Variants in DYSF observed in about 807,000 individuals in gnomAD.
DYSF encodes the protein dystrophy-associated fer-1-like 1.
Under a neutral mutation model 274.9 loss-of-function variants are expected in DYSF, and 212 were observed. That is an observed-to-expected ratio of 0.77 (90% CI 0.69 to 0.86). The LOEUF is 0.86. Ranked by LOEUF, DYSF falls within the 40% of genes least tolerant of loss-of-function variation. The pLI, the probability that DYSF is intolerant of heterozygous loss-of-function variation, is 0.00. For synonymous variants in DYSF, 1,091 were observed against 1,078.7 expected (o/e 1.01, Z -0.22); for missense variants, 2,666 against 2,783.2 (o/e 0.96, Z 0.95).
chr2:71,467,610 C>G (rs1264726751), intron 1 of DYSF, among the ~76,000 whole-genome samples: 2 of 152,154 alleles, frequency 1.3e-5, no homozygotes, highest in Non-Finnish European at 2.9e-5. Context: ...CCCCCTCCCC[C>G]AACCCCTCCA....
chr2:71,685,056 G>C (rs540475272), intron 55 of DYSF, among the ~76,000 whole-genome samples: 1 of 152,230 alleles, frequency 6.6e-6, no homozygotes, highest in Non-Finnish European at 1.5e-5. Flanking sequence ...ACCCTGCACT[G>C]CTAGGCTACT....
At chr2:71,633,650 T>C (rs2094350029) in intron 41 of DYSF, among the ~76,000 whole-genome samples, 2 of 152,170 alleles carry the variant, frequency 1.3e-5, no homozygotes, top group South Asian at 4.1e-4. Flanking sequence ...TATCTCTGGG[T>C]TGACATAGGC....
Position 71,679,041 on chromosome 2 carries a change from T to C in DYSF, c.5885-16T>C, listed in dbSNP as rs1863812. On this transcript the variant is annotated splice_polypyrimidine_tract_variant and intron_variant, in intron 52 of 55. Coordinates refer to ENST00000410020, the MANE Select transcript of DYSF (RefSeq NM_001130987.2). Reference sequence around the variant, plus strand: ...GATCGAGAAACCCTTGGCCAAAAACTACCTCTCTGTTGCAGGCTCCCTGCA... The same window carrying C: ...GATCGAGAAACCCTTGGCCAAAAACCACCTCTCTGTTGCAGGCTCCCTGCA... The C allele has an allele frequency of 0.89, 1,440,160 of 1,613,414 alleles. 644,151 individuals carry two copies. Among genetic ancestry groups the C allele is most frequent in the African/African-American group, 0.97 (72,820 of 74,992 alleles).
intron 14 of DYSF, among the ~76,000 whole-genome samples, 198 bp downstream of exon 14, chr2:71,528,599 G>T (rs2088258063): frequency 6.6e-6 from 1 of 152,182 alleles, no homozygotes; most frequent in South Asian, 2.1e-4. Flanking sequence ...ATGTGGACAG[G>T]TCTGCCTGGG....
chr2:71,522,140 C>A (rs566103827), intron 12 of DYSF, among the ~76,000 whole-genome samples: 2 of 152,150 alleles, frequency 1.3e-5, no homozygotes, highest in Non-Finnish European at 1.5e-5. Flanking sequence ...TGATCTGTAC[C>A]AGGCTCAAGA....
At chr2:71,511,537 G>A (rs1463062415) in intron 4 of DYSF, among the ~76,000 whole-genome samples, 2 of 152,212 alleles carry the variant, frequency 1.3e-5, no homozygotes, top group East Asian at 3.8e-4. Flanking sequence ...CAATTTTATA[G>A]ATGAGGAAAC....
Position 71,515,701 on chromosome 2 carries a change from C to G in DYSF, c.838C>G (p.Gln280Glu), listed in dbSNP as rs2086580656. Residue 280 changes from glutamine to glutamate, a missense_variant, in exon 8 of 56, where the codon CAG becomes GAG. By Grantham distance (29) the Gln-to-Glu change is conservative (BLOSUM62 2). Coordinates refer to ENST00000410020, the MANE Select transcript of DYSF (RefSeq NM_001130987.2). ...KPVVKVTAAG[Q>E]TKRTRIHKGN... ...TGTGGTCAAGGTTACCGCTGCAGGG[C>G]AGACCAAGCGGACGCGGATCCACAA... 6.2e-7 allele frequency: 1 copy of G among 1,614,072 alleles called. No homozygotes were observed. The highest frequency in any genetic ancestry group is 2.2e-5 in the East Asian group (1 of 44,870).
intron 33 of DYSF, among the ~76,000 whole-genome samples, chr2:71,598,964 G>A (rs567919402): frequency 1.2e-4 from 19 of 152,364 alleles, no homozygotes; most frequent in South Asian, 6.2e-4. Context: ...GAACATATCC[G>A]GAAAAGGCGC....
chr2:71,685,109 C>T (rs748580127), intron 55 of DYSF, among the ~76,000 whole-genome samples: 2 of 152,196 alleles, frequency 1.3e-5, no homozygotes, highest in Admixed American at 6.5e-5. Flanking sequence ...GAAGGAGGCC[C>T]TGCTGCCTGG....
At chr2:71,457,309 A>G (rs1270597283) in intron 1 of DYSF, among the ~76,000 whole-genome samples, 1 of 152,188 alleles carries the variant, frequency 6.6e-6, no homozygotes, top group African/African-American at 2.4e-5. Context: ...CATTCTACAG[A>G]TAAGGAAACT....
chr2:71,571,124 C>T (rs1366686964), intron 29 of DYSF, among the ~76,000 whole-genome samples: 1 of 149,612 alleles, frequency 6.7e-6, no homozygotes, highest in Non-Finnish European at 1.5e-5. Context: ...AGATCACACC[C>T]ACAGATCACA....
intron 1 of DYSF, among the ~76,000 whole-genome samples, chr2:71,456,888 AC>A (rs1306931167): frequency 6.6e-6 from 1 of 151,996 alleles, no homozygotes; most frequent in Admixed American, 6.6e-5. Flanking sequence ...GCACCAGGGC[AC>A]TCGGACCTGA....
Position 71,668,794 on chromosome 2 carries a change from T to A in DYSF, c.5498T>A (p.Leu1833Gln), listed in dbSNP as rs148382335. ...QMWVDLFPKALGRPGPPFNIT... is the reference protein window; with the variant it reads ...QMWVDLFPKAQGRPGPPFNIT... ...TGGGTCGACCTATTTCCGAAGGCCC[T>A]GGGGCGGCCTGGACCTCCCTTCAAC... Residue 1833 changes from leucine to glutamine, a missense_variant, in exon 49 of 56, where the codon CTG becomes CAG. Transcript: ENST00000410020. 1 of 1,613,800 alleles carries A rather than the reference T, an allele frequency of 6.2e-7. No individual in the cohort carries two copies. Among genetic ancestry groups the A allele is most frequent in the Non-Finnish European group, 8.5e-7 (1 of 1,179,984 alleles).
Position 71,481,005 on chromosome 2 carries a change from G to A in DYSF, c.147+67G>A, listed in dbSNP as rs1214512775. 17 of 1,511,306 alleles carry A rather than the reference G, an allele frequency of 1.1e-5. No homozygotes were observed. The Admixed American group carries it at 1.3e-4, about 12-fold the overall frequency. 93.6% of individuals were successfully genotyped at this position (1,511,306 alleles called of 1,614,324 possible). ...AGTTGTGTCTGCAGGGACAAGTTAG[G>A]GGGCTTGTGGAGGAGGTGCCTTCTC... On this transcript the variant is annotated intron_variant, in intron 2 of 55. Transcript: ENST00000410020.
intron 13 of DYSF, among the ~76,000 whole-genome samples, chr2:71,527,406 A>C (rs1420564665): frequency 6.6e-6 from 1 of 152,236 alleles, no homozygotes; most frequent in Non-Finnish European, 1.5e-5. Flanking sequence ...CAAATCCTGA[A>C]GAAAGCCTGT....
intron 3 of DYSF, among the ~76,000 whole-genome samples, chr2:71,501,230 C>T (rs1280900702): frequency 5.3e-5 from 8 of 152,142 alleles, no homozygotes; most frequent in African/African-American, 7.2e-5. Flanking sequence ...TATCTCTCCC[C>T]CTCTATCCCC....
chr2:71,513,213 C>T (rs1056645026), intron 5 of DYSF, 27 bp from the exon 6 acceptor site: 27 of 1,550,892 alleles, frequency 1.7e-5, no homozygotes, highest in South Asian at 2.4e-5. Flanking sequence ...CCTCCCCTCC[C>T]GGGGTTATGC....
intron 24 of DYSF, among the ~76,000 whole-genome samples, chr2:71,565,139 G>T (rs902015704): frequency 6.6e-6 from 1 of 151,684 alleles, no homozygotes; most frequent in Non-Finnish European, 1.5e-5. Flanking sequence ...GGAGTGTAGT[G>T]GTGTGATCTC....
At chr2:71,543,735 G>A (rs1264686267) in intron 17 of DYSF, among the ~76,000 whole-genome samples, 4 of 152,174 alleles carry the variant, frequency 2.6e-5, no homozygotes, top group East Asian at 1.9e-4. Flanking sequence ...GGCGGCGCGC[G>A]CCTGCAATCG....
Sources: allele counts gnomAD v4.1 joint callset (sites outside exome capture counted in the v4.1 genomes callset), GRCh38; gene constraint gnomAD v4.1.1; transcripts MANE v1.5; gene names NCBI Gene and HGNC (gene_info 2026-07-23, HGNC 2026-07-21).